The following DNAH9 variants were observed in gnomAD, a reference collection of about 807,000 sequenced individuals.
DNAH9 encodes the protein dynein axonemal heavy chain 9, also known as DNAH9 variant protein.
Under a neutral mutation model 471.6 loss-of-function variants are expected in DNAH9, and 345 were observed. That is an observed-to-expected ratio of 0.73 (90% CI 0.67 to 0.80). DNAH9 has a LOEUF of 0.80. Among genes scored for constraint, DNAH9 ranks in the 30% least tolerant of loss-of-function variants. The pLI is 0.00. For missense variants in DNAH9, 5,407 were observed against 5,609.2 expected (o/e 0.96, Z 1.15); for synonymous variants, 2,093 against 2,123.6 (o/e 0.99, Z 0.40).
chr17:11,914,025 A>G (rs983717975), intron 61 of DNAH9, among the ~76,000 whole-genome samples: 1 of 152,186 alleles, frequency 6.6e-6, no homozygotes, highest in African/African-American at 2.4e-5. Context: ...TAAACAGCAC[A>G]TATATTCTAA....
rs772648872 is a variant in DNAH9 at position 11,698,176 on chromosome 17, A to ATAATTATTATTATATTAATATAAT, written c.4873-1553_4873-1552insATTATTATTATATTAATATAATTA. On this transcript the variant is annotated intron_variant, in intron 22 of 68. Transcript: ENST00000262442. ...ATTATTAATATATTATTATATTAAT[A>ATAATTATTATTATATTAATATAAT]TATTATTATATTAATATAATAATAT... Among the ~76,000 whole-genome samples, 7 of 102,776 alleles carry ATAATTATTATTATATTAATATAAT rather than the reference A, an allele frequency of 6.8e-5. No individual in the cohort carries two copies. The Admixed American group carries it at 7.1e-4, about 10-fold the overall frequency. The allele number at this position is 102,776 out of a possible 152,430, so 67.4% of individuals were successfully genotyped here.
intron 59 of DNAH9, among the ~76,000 whole-genome samples, chr17:11,898,773 A>C (rs1973304285): frequency 6.6e-6 from 1 of 152,230 alleles, no homozygotes; most frequent in Non-Finnish European, 1.5e-5. Flanking sequence ...TGCAAAAGTC[A>C]TAAGGAATAA....
At position 11,694,625 on chromosome 17, in the gene DNAH9, G is replaced by GCTCGCT. The variant is rs1377691223; in HGVS notation, c.4872+180_4872+181insCGCTCT. ...AGCTTTCTTGCTTTCTTGCTTTCTT[G>GCTCGCT]CTTTCTTGCTTTCTTGCTTTCTCGC... On this transcript the variant is annotated intron_variant, in intron 22 of 68. Transcript: ENST00000262442. 2.8e-3 allele frequency among the ~76,000 whole-genome samples: 13 copies of GCTCGCT among 4,594 alleles called. 3 individuals are homozygous for GCTCGCT. Among genetic ancestry groups the GCTCGCT allele is most frequent in the African/African-American group, 3.5e-3 (13 of 3,708 alleles). 3.0% of individuals were successfully genotyped at this position (4,594 alleles called of 152,430 possible).
Position 11,961,786 on chromosome 17 carries a change from G to A in DNAH9, c.12844-81G>A, listed in dbSNP as rs960373937. On this transcript the variant is annotated intron_variant, in intron 67 of 68. Coordinates refer to ENST00000262442, the MANE Select transcript of DNAH9 (RefSeq NM_001372.4). ...TAACTCTTGTCTGCCTGGGTGCCAT[G>A]AGCCAGGGGTCTCTGAGGCCAGGTG... 1.1e-5 allele frequency: 16 copies of A among 1,486,662 alleles called. No homozygotes were observed. In the East Asian group the frequency reaches 1.1e-4, roughly 11 times the overall value. The allele number at this position is 1,486,662 out of a possible 1,614,324, so 92.1% of individuals were successfully genotyped here.
At chr17:11,685,836 G>A (rs996075552) in intron 19 of DNAH9, among the ~76,000 whole-genome samples, 1 of 135,086 alleles carries the variant, frequency 7.4e-6, no homozygotes, top group Non-Finnish European at 1.5e-5. Context: ...ACGGAGTCTC[G>A]CTCTGTCACC....
intron 2 of DNAH9, among the ~76,000 whole-genome samples, chr17:11,609,796 A>G (rs1024997055): frequency 6.6e-6 from 1 of 152,236 alleles, no homozygotes; most frequent in Non-Finnish European, 1.5e-5. Flanking sequence ...CACTGGAACA[A>G]TGAGGACCAA....
intron 9 of DNAH9, 90 bp from the exon 10 acceptor site, chr17:11,640,180 A>T (rs748780425): frequency 2.7e-6 from 2 of 737,684 alleles, no homozygotes; most frequent in Non-Finnish European, 4.6e-6. Context: ...TAATGAGGCA[A>T]AAGTGGAGTA....
chr17:11,781,586 CA>C (rs1372844848), intron 39 of DNAH9, among the ~76,000 whole-genome samples: 2 of 152,134 alleles, frequency 1.3e-5, no homozygotes, highest in Admixed American at 1.3e-4. Context: ...GTAATCCCAG[CA>C]CTTTGGGAGG....
At chr17:11,701,584 G>A (rs190109611) in intron 24 of DNAH9, among the ~76,000 whole-genome samples, 180 of 152,350 alleles carry the variant, frequency 1.2e-3, no homozygotes, top group Non-Finnish European at 2.1e-3. Flanking sequence ...TAGGGAACAA[G>A]ACAATGACAC....
intron 6 of DNAH9, among the ~76,000 whole-genome samples, chr17:11,621,736 C>T (rs1033309144): frequency 2.6e-5 from 4 of 152,142 alleles, no homozygotes; most frequent in Admixed American, 6.5e-5. Flanking sequence ...GGACGAGATC[C>T]GGGAGGAAAG....
At chr17:11,675,941 C>T (rs1301547263) in intron 17 of DNAH9, among the ~76,000 whole-genome samples, 1 of 151,704 alleles carries the variant, frequency 6.6e-6, no homozygotes, top group Non-Finnish European at 1.5e-5. Context: ...GTGCTAGCTT[C>T]ATAGAACAAG....
intron 41 of DNAH9, among the ~76,000 whole-genome samples, chr17:11,786,345 G>A (rs1398703262): frequency 6.6e-6 from 1 of 151,768 alleles, no homozygotes; most frequent in Non-Finnish European, 1.5e-5. Context: ...GGTCAGGGAG[G>A]TTAAAAAAAA....
At chr17:11,766,896 G>C (rs1012662332) in intron 36 of DNAH9, among the ~76,000 whole-genome samples, 1 of 152,006 alleles carries the variant, frequency 6.6e-6, no homozygotes, top group Non-Finnish European at 1.5e-5. Context: ...TTGGACCCGG[G>C]AGGCAGAGGT....
chr17:11,964,106 C>T (rs1976486053), intron 68 of DNAH9, among the ~76,000 whole-genome samples: 1 of 152,106 alleles, frequency 6.6e-6, no homozygotes, highest in African/African-American at 2.4e-5. Context: ...TTATGCCAGC[C>T]CTAGGAAAGC....
At chr17:11,644,417 C>CT (rs1311792378) in intron 10 of DNAH9, among the ~76,000 whole-genome samples, 5 of 152,086 alleles carry the variant, frequency 3.3e-5, no homozygotes, top group African/African-American at 9.7e-5. Context: ...TATGAGAGCT[C>CT]TGACACTTGC....
chr17:11,874,876 A>G, intron 52 of DNAH9, 73 bp from the exon 53 acceptor site: 1 of 1,065,694 alleles, frequency 9.4e-7, no homozygotes, highest in Non-Finnish European at 1.4e-6. Flanking sequence ...TCATTTGGTG[A>G]GTAACTGCAT....
chr17:11,784,265 C>T (rs181755676), intron 40 of DNAH9, 35 bp from the exon 41 acceptor site: 28 of 1,609,382 alleles, frequency 1.7e-5, no homozygotes, highest in East Asian at 4.5e-5. Context: ...TCCGTGGTAA[C>T]GGATGTTGAG....
chr17:11,958,744 ATAAAG>A (rs1384872227), intron 67 of DNAH9, among the ~76,000 whole-genome samples: 1 of 151,264 alleles, frequency 6.6e-6, no homozygotes, highest in African/African-American at 2.4e-5. Flanking sequence ...AAAAAAAAAA[ATAAAG>A]TATATTAAGA....
At chr17:11,729,227 A>G (rs932333228) in intron 28 of DNAH9, among the ~76,000 whole-genome samples, 17 of 152,044 alleles carry the variant, frequency 1.1e-4, no homozygotes, top group African/African-American at 3.1e-4. Flanking sequence ...CCCCCCAGGA[A>G]CCCCATCTCC....
Sources: gnomAD v4.1 joint callset for allele counts (sites outside exome capture counted in the v4.1 genomes callset) on GRCh38, gnomAD v4.1.1 for gene constraint, MANE v1.5 for transcripts, NCBI Gene and HGNC (gene_info 2026-07-23, HGNC 2026-07-21) for gene names.